DRC8: variants seen among roughly 807,000 people sequenced by gnomAD.
DRC8 encodes the protein dynein regulatory complex protein 8.
the DRC8 span, among the ~76,000 whole-genome samples, chr1:245,066,613 TATAATC>T: frequency 2.0e-4 from 30 of 152,180 alleles, no homozygotes; most frequent in Non-Finnish European, 4.0e-4. Context: ...TAATGGTACT[TATAATC>T]ATAATAGGCC....
the DRC8 span, chr1:245,087,759 G>C: frequency 2.0e-6 from 2 of 985,324 alleles, no homozygotes; most frequent in Non-Finnish European, 2.4e-6. Context: ...GTGTAATGAA[G>C]GCTTCTTTTT....
the DRC8 span, among the ~76,000 whole-genome samples, chr1:245,071,052 C>G: frequency 6.6e-6 from 1 of 152,220 alleles, no homozygotes; most frequent in Non-Finnish European, 1.5e-5. Flanking sequence ...TCTGGGACTT[C>G]CCAACCTCCA....
the DRC8 span, among the ~76,000 whole-genome samples, chr1:245,015,184 A>G: frequency 6.6e-6 from 1 of 152,156 alleles, no homozygotes; most frequent in South Asian, 2.1e-4. Context: ...TAGTGTGATC[A>G]TGGCTCACTG....
At chr1:244,991,999 T>C in the DRC8 span, among the ~76,000 whole-genome samples, 303 of 152,308 alleles carry the variant, frequency 2.0e-3, no homozygotes, top group African/African-American at 6.8e-3. Flanking sequence ...AACCCATAGA[T>C]AGGAAGAGCC....
the DRC8 span, among the ~76,000 whole-genome samples, chr1:245,033,613 C>T: frequency 2.6e-5 from 4 of 152,170 alleles, no homozygotes; most frequent in South Asian, 2.1e-4. Flanking sequence ...TCTATCTCTC[C>T]GTCCCATCCT....
chr1:245,072,682 A>G, the DRC8 span, among the ~76,000 whole-genome samples: 1 of 152,188 alleles, frequency 6.6e-6, no homozygotes, highest in Non-Finnish European at 1.5e-5. Context: ...ATCTCATGTT[A>G]AAATGTAATC....
At chr1:245,081,658 G>T in the DRC8 span, among the ~76,000 whole-genome samples, 2 of 151,678 alleles carry the variant, frequency 1.3e-5, no homozygotes, top group South Asian at 4.2e-4. Context: ...TAGTAGAGAC[G>T]GGGTTTCACC....
the DRC8 span, among the ~76,000 whole-genome samples, chr1:245,055,952 G>GGCCATTTACA: frequency 1.3e-5 from 2 of 152,244 alleles, no homozygotes; most frequent in Admixed American, 1.3e-4. Flanking sequence ...GGAGTGCAGT[G>GGCCATTTACA]GCCATTTACA....
At chr1:245,113,449 G>A in the DRC8 span, among the ~76,000 whole-genome samples, 1 of 152,134 alleles carries the variant, frequency 6.6e-6, no homozygotes, top group African/African-American at 2.4e-5. Flanking sequence ...CATTTTAGAA[G>A]GCCCGCTGTG....
At chr1:245,047,679 A>G in the DRC8 span, among the ~76,000 whole-genome samples, 392 of 149,274 alleles carry the variant, frequency 2.6e-3, 1 homozygote, top group African/African-American at 9.2e-3. Context: ...TAAGAAAATC[A>G]TAAGGGGCTG....
At chr1:245,054,619 C>T in the DRC8 span, among the ~76,000 whole-genome samples, 3 of 152,134 alleles carry the variant, frequency 2.0e-5, no homozygotes, top group Non-Finnish European at 4.4e-5. Flanking sequence ...ATCTCTCATG[C>T]GGGTTCCTCT....
At chr1:244,970,890 C>A in the DRC8 span, 1 of 208,836 alleles carries the variant, frequency 4.8e-6, no homozygotes, top group African/African-American at 2.4e-5. Flanking sequence ...GGGGAAGCCG[C>A]CGCCGCCTCC....
the DRC8 span, among the ~76,000 whole-genome samples, chr1:245,048,087 G>C: frequency 0.15 from 22,172 of 152,066 alleles, 1,806 homozygotes; most frequent in Middle Eastern, 0.26. Context: ...TGAGGAGGAG[G>C]AGGAGGAGGA....
the DRC8 span, among the ~76,000 whole-genome samples, chr1:245,025,240 A>G: frequency 1.3e-5 from 2 of 152,214 alleles, no homozygotes; most frequent in African/African-American, 2.4e-5. Flanking sequence ...CATGTAGCTG[A>G]TAAATTTAAT....
the DRC8 span, among the ~76,000 whole-genome samples, chr1:245,093,128 G>A: frequency 3.9e-5 from 6 of 152,258 alleles, no homozygotes; most frequent in African/African-American, 1.4e-4. Context: ...GGGAGGTGGG[G>A]AAGTAGGTAA....
chr1:245,078,041 C>T, the DRC8 span, among the ~76,000 whole-genome samples: 18 of 151,864 alleles, frequency 1.2e-4, no homozygotes, highest in Admixed American at 5.2e-4. Context: ...TTAAAAAAAA[C>T]GGAAAAAAGG....
At chr1:244,981,410 A>G in the DRC8 span, among the ~76,000 whole-genome samples, 88,602 of 152,004 alleles carry the variant, frequency 0.58, 26,559 homozygotes, top group East Asian at 0.75. Flanking sequence ...AAACTCCCCA[A>G]TGGTTAACAT....
At chr1:245,125,147 GT>G in the DRC8 span, 2 of 152,210 alleles carry the variant, frequency 1.3e-5, no homozygotes, top group Non-Finnish European at 2.9e-5. Flanking sequence ...CATTTGTGCT[GT>G]TTTCACTTTT....
chr1:245,119,596 G>A, the DRC8 span, among the ~76,000 whole-genome samples: 19 of 151,576 alleles, frequency 1.3e-4, no homozygotes, highest in African/African-American at 4.4e-4. Context: ...CCATGATCAC[G>A]CCACTGTGCT....
Sources: allele counts gnomAD v4.1 joint callset (sites outside exome capture counted in the v4.1 genomes callset), GRCh38; gene constraint gnomAD v4.1.1; transcripts MANE v1.5; gene names NCBI Gene and HGNC (gene_info 2026-07-23, HGNC 2026-07-21).